The following APOOL variants were observed in gnomAD, a reference collection of about 807,000 sequenced individuals.
APOOL encodes the protein apolipoprotein O like, also known as MICOS complex subunit MIC27.
A neutral mutation model predicts 23.1 loss-of-function variants in APOOL; 12 were observed. The observed-to-expected ratio is 0.52, with a 90% CI of 0.33 to 0.84. APOOL has a LOEUF of 0.84. Ranked by LOEUF, APOOL falls within the 40% of genes least tolerant of loss-of-function variation. APOOL has a pLI of 0.02. For synonymous variants in APOOL, 77 were observed against 69.9 expected (o/e 1.10, Z -0.51); for missense variants, 212 against 199.6 (o/e 1.06, Z -0.37).
At chrX:85,020,237 G>A (rs1170664062) in intron 1 of APOOL, among the ~76,000 whole-genome samples, 1 of 111,674 alleles carries the variant, frequency 9.0e-6, no homozygotes, top group African/African-American at 3.3e-5. Flanking sequence ...CTCCATATAC[G>A]AAATGACCTT....
chrX:85,031,150 A>C (rs1922023840), intron 1 of APOOL, among the ~76,000 whole-genome samples: 1 of 111,868 alleles, frequency 8.9e-6, no homozygotes, highest in South Asian at 3.7e-4. Flanking sequence ...TAAGATAGTT[A>C]ATAACTTTCA....
intron 6 of APOOL, among the ~76,000 whole-genome samples, chrX:85,073,663 T>C (rs1421368032): frequency 9.0e-6 from 1 of 111,059 alleles, no homozygotes. Flanking sequence ...TTTTCACTTA[T>C]ATCAAATCAC....
intron 5 of APOOL, among the ~76,000 whole-genome samples, chrX:85,063,303 G>A (rs775586792): frequency 4.5e-5 from 5 of 111,279 alleles, no homozygotes; most frequent in East Asian, 5.7e-4. Context: ...TCATATCATC[G>A]GCAAACAAAG....
rs972328089 is a variant in APOOL, at chrX:85,091,797, C to T, written c.*4119C>T. On this transcript the variant is annotated 3_prime_UTR_variant, in exon 9 of 9. Transcript: ENST00000373173. The stretch of plus-strand genomic sequence containing the variant: ...TACTTGCTAGTTTTTCATAAGTAAG[C>T]TCTTCAGAATTTATCTCCAGTATTT... 5.4e-5 allele frequency: 6 copies of T among 111,645 alleles called. No homozygotes were observed. Among genetic ancestry groups the T allele is most frequent in the African/African-American group, 2.0e-4 (6 of 30,737 alleles). 9.2% of individuals were successfully genotyped at this position (111,645 alleles called of 1,213,427 possible).
chrX:85,070,669 T>C (rs769396867), intron 6 of APOOL, among the ~76,000 whole-genome samples: 4 of 111,148 alleles, frequency 3.6e-5, no homozygotes, highest in Non-Finnish European at 7.5e-5. Context: ...AATTAACATA[T>C]CCATCACCAC....
chrX:85,015,074 G>A (rs1324041714), intron 1 of APOOL, among the ~76,000 whole-genome samples: 2 of 110,197 alleles, frequency 1.8e-5, no homozygotes, highest in East Asian at 2.8e-4. Flanking sequence ...CCTTGTCTTC[G>A]AGCTCTGAAA....
intron 1 of APOOL, among the ~76,000 whole-genome samples, chrX:85,007,346 A>G (rs1300749298): frequency 1.8e-5 from 2 of 111,154 alleles, no homozygotes; most frequent in Non-Finnish European, 3.8e-5. Flanking sequence ...TAGAAGATCT[A>G]GGGAATTTAT....
intron 2 of APOOL, 58 bp downstream of exon 2, chrX:85,046,608 A>G: frequency 5.2e-6 from 5 of 956,421 alleles, no homozygotes; most frequent in South Asian, 2.2e-5. Flanking sequence ...CACAAAAGCT[A>G]TATTTTTTAA....
intron 8 of APOOL, among the ~76,000 whole-genome samples, chrX:85,081,970 G>A (rs904715837): frequency 1.9e-4 from 21 of 111,758 alleles, no homozygotes; most frequent in African/African-American, 6.2e-4. Flanking sequence ...TCTCTACACT[G>A]TTCTAGTTAG....
intron 1 of APOOL, among the ~76,000 whole-genome samples, chrX:85,023,707 C>T (rs915373943): frequency 8.9e-6 from 1 of 112,133 alleles, no homozygotes; most frequent in African/African-American, 3.2e-5. Context: ...AATACATACA[C>T]ACAGATTAAG....
At chrX:85,014,888 T>G (rs2147473392) in intron 1 of APOOL, among the ~76,000 whole-genome samples, 1 of 110,759 alleles carries the variant, frequency 9.0e-6, no homozygotes, top group Non-Finnish European at 1.9e-5. Flanking sequence ...CAGGGAATTT[T>G]TTCTCAATTA....
In APOOL at chrX:85,093,092, A is replaced by G; in HGVS notation, c.*5414A>G. ...TGAAGTATATGTTGGGGTTATGTTC[A>G]AATGGTGAGATTAATGATTTAATTT... On this transcript the variant is annotated 3_prime_UTR_variant, in exon 9 of 9. Coordinates refer to ENST00000373173, the MANE Select transcript of APOOL (RefSeq NM_198450.6). The G allele has an allele frequency of 1.1e-6, 1 of 901,916 alleles. No homozygotes were observed. Among genetic ancestry groups the G allele is most frequent in the Non-Finnish European group, 1.5e-6 (1 of 650,666 alleles). The allele number at this position is 901,916 out of a possible 1,213,427, so 74.3% of individuals were successfully genotyped here.
intron 1 of APOOL, among the ~76,000 whole-genome samples, chrX:85,028,698 C>T (rs1472695315): frequency 9.9e-6 from 1 of 101,243 alleles, no homozygotes; most frequent in Non-Finnish European, 2.0e-5. Context: ...CACTATCCTT[C>T]CCAGCCTCTG....
At chrX:85,029,743 C>T (rs1379675197) in intron 1 of APOOL, among the ~76,000 whole-genome samples, 2 of 111,669 alleles carry the variant, frequency 1.8e-5, no homozygotes, top group African/African-American at 6.5e-5. Context: ...GATGTACAGT[C>T]ATCAAACATA....
intron 3 of APOOL, among the ~76,000 whole-genome samples, chrX:85,052,478 C>T (rs1278255788): frequency 9.0e-6 from 1 of 111,410 alleles, no homozygotes; most frequent in Non-Finnish European, 1.9e-5. Flanking sequence ...ACCTAGTAAC[C>T]ATGCGACTTT....
Position 85,092,614 on chromosome X carries a change from G to A in APOOL, c.*4936G>A, listed in dbSNP as rs1026868285. On this transcript the variant is annotated 3_prime_UTR_variant, in exon 9 of 9. Transcript: ENST00000373173. ...ACTTTCATTTGAAAGTATAATCTTC[G>A]TTAACACATATATTTTATTGAAGGT... is the stretch of plus-strand genomic sequence containing the variant. 28 of 1,058,083 alleles carry A rather than the reference G, an allele frequency of 2.6e-5. No individual in the cohort carries two copies. Among genetic ancestry groups the A allele is most frequent in the Middle Eastern group, 2.9e-4 (1 of 3,442 alleles). The allele number at this position is 1,058,083 out of a possible 1,213,427, so 87.2% of individuals were successfully genotyped here.
chrX:85,066,526 G>A (rs958474278), intron 5 of APOOL, among the ~76,000 whole-genome samples: 48 of 111,274 alleles, frequency 4.3e-4, no homozygotes, highest in African/African-American at 1.6e-3. Flanking sequence ...AAAAAGATAC[G>A]AAAATAACTC....
Position 85,092,834 on chromosome X carries a change from G to A in APOOL, c.*5156G>A, listed in dbSNP as rs936600430. Reference sequence around the variant, plus strand: ...CCTAAAAGAACACATGTTCTCATATGTTTCCAAAATACAAGAAGATCTTGC... The same window carrying A: ...CCTAAAAGAACACATGTTCTCATATATTTCCAAAATACAAGAAGATCTTGC... On this transcript the variant is annotated 3_prime_UTR_variant, in exon 9 of 9. Transcript: ENST00000373173. 1.7e-4 allele frequency: 57 copies of A among 328,517 alleles called. 1 individual carries two copies. In the South Asian group the frequency reaches 1.7e-3, roughly 10 times the overall value. The allele number at this position is 328,517 out of a possible 1,213,427, so 27.1% of individuals were successfully genotyped here.
intron 8 of APOOL, among the ~76,000 whole-genome samples, chrX:85,082,393 A>T (rs776140580): frequency 9.0e-6 from 1 of 110,850 alleles, no homozygotes; most frequent in East Asian, 2.9e-4. Context: ...TCCACTCCAG[A>T]CCGTGTTTGC....
Sources: allele counts gnomAD v4.1 joint callset (sites outside exome capture counted in the v4.1 genomes callset), GRCh38; gene constraint gnomAD v4.1.1; transcripts MANE v1.5; gene names NCBI Gene and HGNC (gene_info 2026-07-23, HGNC 2026-07-21).